EEF1AKMT2: variants seen among roughly 807,000 people sequenced by gnomAD.
EEF1AKMT2 encodes the protein EEF1A lysine methyltransferase 2.
In EEF1AKMT2, 32 loss-of-function variants were observed where a neutral mutation model predicts 35.8. That is an observed-to-expected ratio of 0.89 (90% CI 0.67 to 1.20). The LOEUF (loss-of-function observed/expected upper bound fraction) is 1.20, where lower values mean the gene tolerates loss of function less well. Ranked by LOEUF, EEF1AKMT2 falls within the 50% of genes most tolerant of loss-of-function variation. The pLI is 0.00. For synonymous variants in EEF1AKMT2, 121 were observed against 133.7 expected, an observed-to-expected ratio of 0.91 and a Z score of 0.65; for missense variants, 330 against 347.5, an observed-to-expected ratio of 0.95 and a Z score of 0.40.
At chr10:124,760,567 G>A in intron 6 of EEF1AKMT2, 64 bp from the exon 7 acceptor site, 5 of 1,231,178 alleles carry the variant, frequency 4.1e-6, no homozygotes, top group East Asian at 2.3e-5. Context: ...GTATTTATAT[G>A]CATGCATTAA....
chr10:124,779,822 G>A (rs1024583037), intron 3 of EEF1AKMT2, among the ~76,000 whole-genome samples: 3 of 147,654 alleles, frequency 2.0e-5, no homozygotes, highest in Non-Finnish European at 4.5e-5. Flanking sequence ...CAGCACTCTT[G>A]GAGGCCAAGG....
intron 4 of EEF1AKMT2, among the ~76,000 whole-genome samples, chr10:124,771,447 T>A (rs1950435435): frequency 6.6e-6 from 1 of 151,994 alleles, no homozygotes; most frequent in Non-Finnish European, 1.5e-5. Context: ...ATCAGACGAA[T>A]CACTATCTAT....
At chr10:124,768,798 C>T (rs1033794124) in intron 4 of EEF1AKMT2, among the ~76,000 whole-genome samples, 2 of 151,930 alleles carry the variant, frequency 1.3e-5, no homozygotes, top group African/African-American at 2.4e-5. Flanking sequence ...GGTAAAAGAA[C>T]ATCAGAGCAG....
At chr10:124,791,229 C>A (rs1950631512) in intron 1 of EEF1AKMT2, among the ~76,000 whole-genome samples, 1 of 152,006 alleles carries the variant, frequency 6.6e-6, no homozygotes, top group South Asian at 2.1e-4. Flanking sequence ...GAGGTCAGAT[C>A]GCTTTCTTTC....
intron 3 of EEF1AKMT2, among the ~76,000 whole-genome samples, chr10:124,776,462 G>C (rs1293415782): frequency 6.6e-6 from 1 of 152,146 alleles, no homozygotes; most frequent in South Asian, 2.1e-4. Flanking sequence ...ACAAGTGGGA[G>C]AATTCTAGCA....
intron 4 of EEF1AKMT2, among the ~76,000 whole-genome samples, chr10:124,769,689 G>A (rs1265083215): frequency 6.6e-6 from 1 of 152,042 alleles, no homozygotes; most frequent in Non-Finnish European, 1.5e-5. Flanking sequence ...GCTCGCACCT[G>A]TAATCCCAGC....
rs1554918000 is a variant in EEF1AKMT2, at chr10:124,774,406, A to AAAAAAAAAAAAAAAAAAAG, written c.399+268_399+269insCTTTTTTTTTTTTTTTTTT. 6.2e-5 allele frequency among the ~76,000 whole-genome samples: 3 copies of AAAAAAAAAAAAAAAAAAAG among 48,506 alleles called. 1 individual carries two copies. Among genetic ancestry groups the AAAAAAAAAAAAAAAAAAAG allele is most frequent in the East Asian group, 1.4e-3 (2 of 1,460 alleles). The allele number at this position is 48,506 out of a possible 152,430, so 31.8% of individuals were successfully genotyped here. On this transcript the variant is annotated intron_variant, in intron 4 of 6. Coordinates refer to ENST00000368836, the MANE Select transcript of EEF1AKMT2 (RefSeq NM_212554.4). ...AAAAAAAAAAAAAAAAAAAAAAAAAAAAAACCCTTTTGATCTGGTTAATCC... is the reference window on the plus strand; with the variant it reads ...AAAAAAAAAAAAAAAAAAAAAAAAAAAAAAAAAAAAAAAAAAAAGAAAACCCTTTTGATCTGGTTAATCC...
chr10:124,766,800 C>A lies in EEF1AKMT2; in HGVS notation c.400-1192G>T, dbSNP rs891486855. On this transcript the variant is annotated intron_variant, in intron 4 of 6. Transcript: ENST00000368836. ...CATCCTAAATGCCTATATAAAAATA[C>A]TCATCTATTCAGCAAATATTTTGTG... is the stretch of plus-strand genomic sequence containing the variant. Among the ~76,000 whole-genome samples, 3 of 152,280 alleles carry A rather than the reference C, an allele frequency of 2.0e-5. No individual in the cohort carries two copies. In the East Asian group the frequency reaches 5.8e-4, roughly 29 times the overall value.
intron 3 of EEF1AKMT2, among the ~76,000 whole-genome samples, chr10:124,783,391 GC>G (rs1950559817): frequency 6.6e-6 from 1 of 152,052 alleles, no homozygotes; most frequent in Non-Finnish European, 1.5e-5. Flanking sequence ...TGATCCACCG[GC>G]CTTGGCCTCC....
At chr10:124,768,591 A>G (rs1319001587) in intron 4 of EEF1AKMT2, among the ~76,000 whole-genome samples, 1 of 152,118 alleles carries the variant, frequency 6.6e-6, no homozygotes, top group Non-Finnish European at 1.5e-5. Flanking sequence ...CTAAAAAAAT[A>G]CGAAGAAAAT....
At chr10:124,757,789 A>C (rs1655054272), downstream of EEF1AKMT2, 1 of 152,216 alleles carries the variant, frequency 6.6e-6, no homozygotes, top group South Asian at 2.1e-4. Flanking sequence ...AGGAAAATTC[A>C]GTGCTACTAC....
In EEF1AKMT2 at chr10:124,774,745, T is replaced by C; in HGVS notation, c.329A>G (p.Tyr110Cys). Residue 110 changes from tyrosine to cysteine, a missense_variant, in exon 4 of 7, where the codon TAC becomes TGC. Transcript: ENST00000368836. ...FGFSNITGID[Y>C]SPSAIQLSGS... ...AGAAAGCTGAATTGCAGAAGGAGAG[T>C]AATCAATTCCAGTAATATTAGAGAA... is the stretch of plus-strand genomic sequence containing the variant. 6.7e-7 allele frequency: 1 copy of C among 1,482,612 alleles called. No homozygotes were observed. Among genetic ancestry groups the C allele is most frequent in the Admixed American group, 2.5e-5 (1 of 39,704 alleles). 91.8% of individuals were successfully genotyped at this position (1,482,612 alleles called of 1,614,324 possible). A position where few individuals can be genotyped will look rare whatever the true frequency, so the allele number is the denominator to read the frequency against.
chr10:124,785,883 G>A (rs577714358), intron 3 of EEF1AKMT2, among the ~76,000 whole-genome samples: 7 of 123,504 alleles, frequency 5.7e-5, no homozygotes, highest in East Asian at 2.4e-4. Context: ...GCAACAGAGC[G>A]AGACTCTGTC....
chr10:124,791,766 C>T lies in EEF1AKMT2; in HGVS notation c.68G>A (p.Gly23Glu). The change falls in exon 1 of 7, where the codon GGG becomes GAG. Residue 23 changes from glycine (G) to glutamate (E), a missense_variant. Gly to Glu is a moderately conservative substitution (Grantham distance 98). Coordinates refer to ENST00000368836, the MANE Select transcript of EEF1AKMT2 (RefSeq NM_212554.4). ...VAARSDKGSPGEDGFVPSALG... is the reference protein window; with the variant it reads ...VAARSDKGSPEEDGFVPSALG... The stretch of plus-strand genomic sequence containing the variant: ...CGCCGACGGGACGAAACCGTCCTCC[C>T]CGGGACTGCCCTTGTCCGACCGCGC... 1 of 1,595,818 alleles carries T rather than the reference C, an allele frequency of 6.3e-7. No homozygotes were observed.
intron 6 of EEF1AKMT2, among the ~76,000 whole-genome samples, chr10:124,761,028 C>A (rs554108654): frequency 6.6e-6 from 1 of 152,298 alleles, no homozygotes; most frequent in East Asian, 1.9e-4. Flanking sequence ...CCACCACACC[C>A]GGCTAATTTT....
chr10:124,764,597 A>G (rs987311676), intron 5 of EEF1AKMT2, among the ~76,000 whole-genome samples: 12 of 152,334 alleles, frequency 7.9e-5, no homozygotes, highest in African/African-American at 2.9e-4. Context: ...TCTTCTATCA[A>G]TTCCCTACAT....
At chr10:124,789,251 TTATTTGA>T in intron 2 of EEF1AKMT2, 94 bp from the exon 3 acceptor site, 2 of 758,586 alleles carry the variant, frequency 2.6e-6, no homozygotes, top group Non-Finnish European at 4.2e-6. Flanking sequence ...GCTCAAACTC[TTATTTGA>T]AAGTGAAAAC....
chr10:124,773,810 CACAGAT>C (rs1164523001), intron 4 of EEF1AKMT2, among the ~76,000 whole-genome samples: 5 of 152,092 alleles, frequency 3.3e-5, no homozygotes, highest in Non-Finnish European at 7.4e-5. Flanking sequence ...AAATGTGACA[CACAGAT>C]ACAAAGTGAG....
chr10:124,757,104 C>A (rs770523401), downstream of EEF1AKMT2, among the ~76,000 whole-genome samples: 2 of 151,758 alleles, frequency 1.3e-5, no homozygotes, highest in African/African-American at 2.4e-5. Context: ...AGGTCATGGG[C>A]AGCCTTCATT....
Sources: gnomAD v4.1 joint callset for allele counts (sites outside exome capture counted in the v4.1 genomes callset) on GRCh38, gnomAD v4.1.1 for gene constraint, MANE v1.5 for transcripts, NCBI Gene and HGNC (gene_info 2026-07-23, HGNC 2026-07-21) for gene names.